The following PEMT variants were observed in gnomAD, a reference collection of about 807,000 sequenced individuals.
The protein encoded by PEMT is phospholipid methyltransferase.
A neutral mutation model predicts 27.4 loss-of-function variants in PEMT; 23 were observed. The observed-to-expected ratio is 0.84, with a 90% CI of 0.60 to 1.19. The LOEUF (loss-of-function observed/expected upper bound fraction) is 1.19, where lower values mean the gene tolerates loss of function less well. PEMT is among the 50% of genes most tolerant of loss of function. The pLI is 0.00. For missense variants in PEMT, 307 were observed against 310.1 expected, an observed-to-expected ratio of 0.99 and a Z score of 0.07; for synonymous variants, 137 against 139.1, an observed-to-expected ratio of 0.98 and a Z score of 0.11.
chr17:17,505,756 C>T lies in PEMT; in HGVS notation c.*35G>A. The T allele has an allele frequency of 6.3e-7, 1 of 1,588,978 alleles. No homozygotes were observed. ...CTGCCACTTGGGGCAGGCCAGGAGG[C>T]TGGCCAGGCCTTCAGCAAAGCTGTT... is the stretch of plus-strand genomic sequence containing the variant. On this transcript the variant is annotated 3_prime_UTR_variant, in exon 7 of 7. Coordinates refer to ENST00000255389, the MANE Select transcript of PEMT (RefSeq NM_148172.3).
At chr17:17,507,560 C>A (rs1597864413) in intron 5 of PEMT, 1 of 283,924 alleles carries the variant, frequency 3.5e-6, no homozygotes, top group East Asian at 6.8e-5. Context: ...CCAGCAGCGA[C>A]CCCACTGTGG....
intron 2 of PEMT, among the ~76,000 whole-genome samples, chr17:17,562,877 C>T (rs1057248593): frequency 3.9e-5 from 6 of 152,160 alleles, no homozygotes; most frequent in African/African-American, 1.4e-4. Context: ...GCCATTTCCC[C>T]ATCCCCCTGC....
At chr17:17,562,283 T>C (rs745365852) in intron 2 of PEMT, among the ~76,000 whole-genome samples, 42 of 152,124 alleles carry the variant, frequency 2.8e-4, no homozygotes, top group African/African-American at 8.7e-4. Flanking sequence ...GCTGGATCCA[T>C]GTGTTGTGTC....
chr17:17,556,656 G>A (rs898473043), intron 2 of PEMT, among the ~76,000 whole-genome samples: 6 of 152,118 alleles, frequency 3.9e-5, no homozygotes, highest in African/African-American at 1.4e-4. Context: ...TTACAGGTGT[G>A]AGCCGCTGCG....
rs750074220 is a variant in PEMT, at chr17:17,512,420, C to T, written c.466+89G>A. 2.8e-4 allele frequency: 353 copies of T among 1,283,196 alleles called. 1 individual carries two copies. Among genetic ancestry groups the T allele is most frequent in the Middle Eastern group, 1.0e-3 (5 of 5,012 alleles). 79.5% of individuals were successfully genotyped at this position (1,283,196 alleles called of 1,614,324 possible). On this transcript the variant is annotated intron_variant, in intron 4 of 6. Coordinates refer to ENST00000255389, the MANE Select transcript of PEMT (RefSeq NM_148172.3). This position sits in a 1 kb window ranked among gnomAD's most constrained non-coding sequence, Gnocchi z 6.3. ...GCCCCTAGCACTCCCACCGATGTCA[C>T]GGATAGCAGGGCAGCAGCCACCTGG...
At chr17:17,542,891 G>A (rs545897231) in intron 2 of PEMT, among the ~76,000 whole-genome samples, 39 of 152,336 alleles carry the variant, frequency 2.6e-4, no homozygotes, top group African/African-American at 9.4e-4. Context: ...CAGGGGATGG[G>A]CAGTGAAGCT....
intron 2 of PEMT, among the ~76,000 whole-genome samples, chr17:17,536,586 C>T (rs1316418651): frequency 6.6e-6 from 1 of 152,208 alleles, no homozygotes; most frequent in African/African-American, 2.4e-5. Context: ...AAGGAACAGA[C>T]CAGCAAAGGT....
intron 2 of PEMT, among the ~76,000 whole-genome samples, chr17:17,558,403 G>C (rs1427379416): frequency 6.6e-6 from 1 of 152,134 alleles, no homozygotes; most frequent in Non-Finnish European, 1.5e-5. Flanking sequence ...AGCTACTTGG[G>C]AGGCTGAGGC....
chr17:17,505,990 C>T, intron 6 of PEMT, 142 bp from the exon 7 acceptor site: 2 of 1,354,670 alleles, frequency 1.5e-6, no homozygotes, highest in Non-Finnish European at 2.0e-6. Context: ...TGGGGCAACA[C>T]TGACTTGGAG....
intron 3 of PEMT, among the ~76,000 whole-genome samples, chr17:17,521,940 A>G (rs944818229): frequency 5.3e-5 from 8 of 152,110 alleles, no homozygotes; most frequent in African/African-American, 1.7e-4. Context: ...AGGGCTCCCG[A>G]GCCAGCATCC....
At chr17:17,570,923 G>A in intron 2 of PEMT, 1 of 984,924 alleles carries the variant, frequency 1.0e-6, no homozygotes, top group South Asian at 4.7e-5. Flanking sequence ...GGCATCTGGA[G>A]TGATAGGGAA....
In PEMT at chr17:17,513,089, C is replaced by T. The variant is rs1906539796; in HGVS notation, c.321-435G>A. On this transcript the variant is annotated intron_variant, in intron 3 of 6. Transcript: ENST00000255389. The surrounding 1 kb of genome is among the most constrained non-coding windows in gnomAD (Gnocchi z 4.1). ...CGCAGGTGCCAGGTTGCAGGGCAGGCCCAGGTGTCCCATTCCCCAACAGAC... is the reference window on the plus strand; with the variant it reads ...CGCAGGTGCCAGGTTGCAGGGCAGGTCCAGGTGTCCCATTCCCCAACAGAC... Among the ~76,000 whole-genome samples the T allele has an allele frequency of 1.3e-5, 2 of 152,172 alleles. No homozygotes were observed. Among genetic ancestry groups the T allele is most frequent in the Non-Finnish European group, 1.5e-5 (1 of 68,014 alleles).
At chr17:17,507,442 T>C in intron 5 of PEMT, 1 of 565,956 alleles carries the variant, frequency 1.8e-6, no homozygotes, top group Admixed American at 3.0e-5. Flanking sequence ...CCCTGCCCAC[T>C]GCCTTCCACC....
intron 2 of PEMT, among the ~76,000 whole-genome samples, chr17:17,555,616 C>A (rs190360439): frequency 6.6e-6 from 1 of 152,314 alleles, no homozygotes; most frequent in East Asian, 1.9e-4. Context: ...TATGCTGGTG[C>A]TTGGGTTCCA....
chr17:17,556,239 C>A (rs537724417), intron 2 of PEMT, among the ~76,000 whole-genome samples: 2 of 152,328 alleles, frequency 1.3e-5, no homozygotes, highest in African/African-American at 4.8e-5. Flanking sequence ...AGCAGCCCTG[C>A]GAGGCAGCTG....
rs999445071 is a variant in PEMT, at chr17:17,580,862, A to G, written c.97-3835T>C. On this transcript the variant is annotated intron_variant, in intron 1 of 6. Transcript: ENST00000255389. ...CTTTGCCGGTTGCTCCCCAGGGCACAGCAAAGGACCTCAGTGGCCTCCTGC... is the reference window on the plus strand; with the variant it reads ...CTTTGCCGGTTGCTCCCCAGGGCACGGCAAAGGACCTCAGTGGCCTCCTGC... 2.6e-5 allele frequency among the ~76,000 whole-genome samples: 4 copies of G among 152,168 alleles called. No homozygotes were observed. The East Asian group carries it at 5.8e-4, about 22-fold the overall frequency.
intron 6 of PEMT, 103 bp downstream of exon 6, chr17:17,506,124 G>A (rs1199650234): frequency 1.1e-5 from 12 of 1,098,408 alleles, no homozygotes; most frequent in Middle Eastern, 2.0e-4. Context: ...CCTGGCTGAC[G>A]GCAGCCTGTC....
At chr17:17,534,643 A>T (rs77213558) in intron 2 of PEMT, among the ~76,000 whole-genome samples, 73 of 152,270 alleles carry the variant, frequency 4.8e-4, no homozygotes, top group African/African-American at 1.7e-3. Context: ...TTGAGACAAG[A>T]TTGGGCCAGA....
At chr17:17,530,062 T>C (rs1382346995) in intron 2 of PEMT, among the ~76,000 whole-genome samples, 2 of 152,188 alleles carry the variant, frequency 1.3e-5, no homozygotes, top group Non-Finnish European at 2.9e-5. Flanking sequence ...CAGACTTGCT[T>C]ACATTTTCAA....
Sources: allele counts gnomAD v4.1 joint callset (sites outside exome capture counted in the v4.1 genomes callset), GRCh38; gene constraint gnomAD v4.1.1; non-coding constraint Gnocchi (gnomAD v3.1); transcripts MANE v1.5; gene names NCBI Gene and HGNC (gene_info 2026-07-23, HGNC 2026-07-21).